SNAP47: variants seen among roughly 807,000 people sequenced by gnomAD.
SNAP47 encodes the protein synaptosomal-associated protein 47.
A neutral mutation model predicts 31.4 loss-of-function variants in SNAP47; 20 were observed. The ratio of observed to expected loss-of-function variants is 0.64; its 90% CI spans 0.45 to 0.93. The LOEUF (loss-of-function observed/expected upper bound fraction) is 0.93, where lower values mean the gene tolerates loss of function less well. Among genes scored for constraint, SNAP47 ranks in the 40% least tolerant of loss-of-function variants. SNAP47 has a pLI of 0.00. For missense variants in SNAP47, 492 were observed against 528.5 expected, an observed-to-expected ratio of 0.93 and a Z score of 0.68; for synonymous variants, 194 against 213.4, an observed-to-expected ratio of 0.91 and a Z score of 0.79.
chr1:227,749,614 G>A (rs576226382), intron 2 of SNAP47, among the ~76,000 whole-genome samples: 18 of 152,278 alleles, frequency 1.2e-4, no homozygotes, highest in African/African-American at 3.8e-4. Context: ...CAGTCTGCCC[G>A]CTTTTCAGTG....
Position 227,741,438 on chromosome 1 carries a change from C to CAGCTACCACATTT in SNAP47, c.-46+5940_-46+5952dup, listed in dbSNP as rs1465554043. On this transcript the variant is annotated intron_variant, in intron 1 of 4. Transcript: ENST00000617596. This position sits in a 1 kb window ranked among gnomAD's most constrained non-coding sequence, Gnocchi z 4.2. ...GGCCCCTTGGCTCATGGGCCAGGTC[C>CAGCTACCACATTT]AGCTACCACATTTTTGTAAGTGAGG... Among the ~76,000 whole-genome samples, 1 of 152,150 alleles carries CAGCTACCACATTT rather than the reference C, an allele frequency of 6.6e-6. No homozygotes were observed. The highest frequency in any genetic ancestry group is 1.5e-5 in the Non-Finnish European group (1 of 68,012).
chr1:227,733,108 C>A, upstream of SNAP47: 2 of 1,486,882 alleles, frequency 1.3e-6, no homozygotes, highest in Non-Finnish European at 9.2e-7. Flanking sequence ...GCCAGGAACC[C>A]ACTGTGGGGT....
At position 227,775,783 on chromosome 1, in the gene SNAP47, C is replaced by T. The variant is rs761926504; in HGVS notation, c.1114-4744C>T. On this transcript the variant is annotated intron_variant, in intron 4 of 4. Transcript: ENST00000617596. ...AATGCTAAATTCTCTTGTTTTTGCT[C>T]TGCAGGGCTTCCGGCCTATGTCGCT... 1.8e-5 allele frequency: 23 copies of T among 1,303,646 alleles called. No individual in the cohort carries two copies. The African/African-American group carries it at 3.0e-4, about 17-fold the overall frequency. The allele number at this position is 1,303,646 out of a possible 1,614,324, so 80.8% of individuals were successfully genotyped here.
At chr1:227,739,049 G>C (rs1055374714) in intron 1 of SNAP47, among the ~76,000 whole-genome samples, 2 of 152,132 alleles carry the variant, frequency 1.3e-5, no homozygotes, top group African/African-American at 2.4e-5. Flanking sequence ...AGCTCTCATG[G>C]GACTGGAACA....
At chr1:227,732,943 C>A, upstream of SNAP47, 1 of 1,613,230 alleles carries the variant, frequency 6.2e-7, no homozygotes. Flanking sequence ...TCCTGCACGG[C>A]GCATAGCTCC....
chr1:227,751,930 A>AT (rs1306875117), intron 2 of SNAP47, among the ~76,000 whole-genome samples: 2 of 151,694 alleles, frequency 1.3e-5, no homozygotes, highest in Admixed American at 1.3e-4. Flanking sequence ...CGCCTGGCTA[A>AT]TTTTTTTGTA....
intron 4 of SNAP47, among the ~76,000 whole-genome samples, chr1:227,769,578 G>A (rs545987616): frequency 1.3e-5 from 2 of 152,236 alleles, no homozygotes; most frequent in African/African-American, 2.4e-5. Flanking sequence ...ATGCTGAAAC[G>A]TGTCCCAGTG....
chr1:227,770,248 G>A (rs76618240), intron 4 of SNAP47, among the ~76,000 whole-genome samples: 23,136 of 152,204 alleles, frequency 0.15, 2,413 homozygotes, highest in African/African-American at 0.29. Flanking sequence ...ATTCCATTCA[G>A]AGTCAAAGGG....
At chr1:227,732,244 C>T, upstream of SNAP47, 1 of 901,516 alleles carries the variant, frequency 1.1e-6, no homozygotes, top group Non-Finnish European at 1.7e-6. Flanking sequence ...TGAAAACAGG[C>T]ACCCAGGCAG....
intron 4 of SNAP47, among the ~76,000 whole-genome samples, chr1:227,778,110 G>A (rs1009011131): frequency 6.6e-6 from 1 of 152,248 alleles, no homozygotes; most frequent in African/African-American, 2.4e-5. Context: ...TGGACATAGC[G>A]ACGGGGGAAA....
Position 227,759,201 on chromosome 1 carries a change from C to G in SNAP47, c.704C>G (p.Ser235Cys). ...VKPGRLTVLV[S>C]GLEIHDSSSL... ...CCAGGGAGGCTCACCGTCCTTGTGT[C>G]TGGGTTGGAAATACATGACTCCAGT... Residue 235 changes from serine (S) to cysteine (C), a missense_variant, in exon 3 of 5, where the codon TCT (serine) becomes TGT (cysteine). Physicochemically the swap from Ser to Cys is moderately radical, Grantham distance 112 (BLOSUM62 -1). Transcript: ENST00000617596. 2 of 1,614,196 alleles carry G rather than the reference C, an allele frequency of 1.2e-6. No homozygotes were observed. The highest frequency in any genetic ancestry group is 3.3e-5 in the Admixed American group (2 of 60,022).
At chr1:227,732,404 A>G, upstream of SNAP47, 2 of 1,612,592 alleles carry the variant, frequency 1.2e-6, no homozygotes, top group Non-Finnish European at 1.7e-6. Flanking sequence ...ATGGGGCCGC[A>G]GCAGCATCAA....
At chr1:227,754,709 C>G (rs1214454105) in intron 2 of SNAP47, among the ~76,000 whole-genome samples, 1 of 152,166 alleles carries the variant, frequency 6.6e-6, no homozygotes, top group Non-Finnish European at 1.5e-5. Flanking sequence ...GCCTGCCCTG[C>G]TCCTTCAGGA....
At chr1:227,732,531 A>G (rs780847189), upstream of SNAP47, 1 of 1,613,384 alleles carries the variant, frequency 6.2e-7, no homozygotes. Context: ...GATGCGCCCA[A>G]CATCAAAGGC....
At chr1:227,733,029 T>C, upstream of SNAP47, 1 of 1,613,436 alleles carries the variant, frequency 6.2e-7, no homozygotes, top group Non-Finnish European at 8.5e-7. Context: ...GGTGTCATCC[T>C]GGAAGGGGCA....
rs759368251 is a variant in SNAP47, at chr1:227,780,653, C to T, written c.1240C>T (p.Arg414Trp). ...CTTGACCATCGACAAGCACAACAGG[C>T]GGATGAAGAGGCTGACCTAGGGGCA... ...ATLTIDKHNR[R>W]MKRLT Residue 414 changes from arginine to tryptophan, a missense_variant, in exon 5 of 5, where the codon CGG (arginine) becomes TGG (tryptophan). Arg to Trp is a moderately radical substitution (Grantham distance 101). Transcript: ENST00000617596. 46 of 1,614,150 alleles carry T rather than the reference C, an allele frequency of 2.8e-5. No homozygotes were observed. Among genetic ancestry groups the T allele is most frequent in the African/African-American group, 6.7e-5 (5 of 75,044 alleles).
intron 1 of SNAP47, chr1:227,736,467 G>A (rs1384345856): frequency 7.5e-6 from 1 of 133,284 alleles, no homozygotes; most frequent in Non-Finnish European, 1.6e-5. Context: ...GGATACCAAA[G>A]AAAGAAGTGC....
intron 4 of SNAP47, among the ~76,000 whole-genome samples, chr1:227,769,334 G>T (rs537673842): frequency 2.6e-5 from 4 of 152,232 alleles, no homozygotes; most frequent in Non-Finnish European, 5.9e-5. Context: ...GTGCCTTGGG[G>T]GCAAGGGCAG....
At chr1:227,733,858 TTC>T (rs772182435), upstream of SNAP47, 1 of 1,609,246 alleles carries the variant, frequency 6.2e-7, no homozygotes, top group Non-Finnish European at 8.5e-7. Flanking sequence ...TCCCAGTCCG[TTC>T]TGTCACCAGG....
Sources: allele counts gnomAD v4.1 joint callset (sites outside exome capture counted in the v4.1 genomes callset), GRCh38; gene constraint gnomAD v4.1.1; non-coding constraint Gnocchi (gnomAD v3.1); transcripts MANE v1.5; gene names NCBI Gene and HGNC (gene_info 2026-07-23, HGNC 2026-07-21).